Variants in DLG2 observed in about 807,000 individuals in gnomAD.
The protein encoded by DLG2 is disks large homolog 2.
A neutral mutation model predicts 132.5 loss-of-function variants in DLG2; 45 were observed. The ratio of observed to expected loss-of-function variants is 0.34; its 90% CI spans 0.27 to 0.44. The LOEUF is 0.44. DLG2 is among the 20% of genes least tolerant of loss of function. The probability of loss-of-function intolerance (pLI) is 1.00; values close to 1 mark genes in which losing one functional copy is unlikely to be tolerated. For missense variants in DLG2, 1,045 were observed against 1,196.9 expected, an observed-to-expected ratio of 0.87 and a Z score of 1.87; for synonymous variants, 424 against 419.6, an observed-to-expected ratio of 1.01 and a Z score of -0.13.
At chr11:83,909,852 T>G (rs1159734880) in intron 15 of DLG2, among the ~76,000 whole-genome samples, 1 of 152,120 alleles carries the variant, frequency 6.6e-6, no homozygotes, top group East Asian at 1.9e-4. Context: ...CTGAGACATT[T>G]GATACAGGTC....
chr11:85,015,541 T>C (rs1267915501), intron 6 of DLG2, among the ~76,000 whole-genome samples: 1 of 152,104 alleles, frequency 6.6e-6, no homozygotes, highest in African/African-American at 2.4e-5. Context: ...AGTGCATTAA[T>C]TACTTCACCT....
chr11:84,377,870 G>A, intron 7 of DLG2, among the ~76,000 whole-genome samples: 1 of 152,090 alleles, frequency 6.6e-6, no homozygotes, highest in East Asian at 1.9e-4. Context: ...GCTTCACTGG[G>A]GACATCTGCC....
intron 6 of DLG2, among the ~76,000 whole-genome samples, chr11:84,766,371 T>C (rs958762736): frequency 2.9e-4 from 44 of 152,038 alleles, no homozygotes; most frequent in Non-Finnish European, 1.5e-4. Context: ...TATTTGAAAT[T>C]TTCATGAGTA....
intron 6 of DLG2, among the ~76,000 whole-genome samples, chr11:84,751,617 A>C (rs1238578218): frequency 6.6e-6 from 1 of 152,180 alleles, no homozygotes; most frequent in Non-Finnish European, 1.5e-5. Context: ...GGCTGTGGTT[A>C]ACATGCAATT....
At chr11:83,912,170 T>C (rs2076190205) in intron 15 of DLG2, among the ~76,000 whole-genome samples, 1 of 151,498 alleles carries the variant, frequency 6.6e-6, no homozygotes, top group Non-Finnish European at 1.5e-5. Context: ...TTATATAAAA[T>C]TTTTGTCAAA....
At chr11:84,417,192 T>A (rs2098932730) in intron 7 of DLG2, among the ~76,000 whole-genome samples, 1 of 152,170 alleles carries the variant, frequency 6.6e-6, no homozygotes, top group African/African-American at 2.4e-5. Flanking sequence ...AAACACTGAA[T>A]TTAGACTTTC....
chr11:85,478,386 T>C (rs952523694), intron 3 of DLG2, among the ~76,000 whole-genome samples: 16 of 152,088 alleles, frequency 1.1e-4, no homozygotes, highest in African/African-American at 3.9e-4. Context: ...CTTTCTCTGC[T>C]CCAAGCCCTC....
At chr11:84,780,811 A>G (rs2071615019) in intron 6 of DLG2, among the ~76,000 whole-genome samples, 1 of 152,084 alleles carries the variant, frequency 6.6e-6, no homozygotes, top group African/African-American at 2.4e-5. Context: ...GATGGATTTA[A>G]CTTCCTTCTT....
chr11:84,850,632 A>G (rs1033727790), intron 6 of DLG2, among the ~76,000 whole-genome samples: 3 of 152,158 alleles, frequency 2.0e-5, no homozygotes, highest in East Asian at 1.9e-4. Flanking sequence ...TGCAGATGAC[A>G]TAATTTATAC....
intron 6 of DLG2, among the ~76,000 whole-genome samples, chr11:84,549,570 C>T (rs1206984416): frequency 6.6e-6 from 1 of 152,146 alleles, no homozygotes; most frequent in Admixed American, 6.5e-5. Context: ...CACCAACCAG[C>T]AGTGCGACTT....
chr11:84,350,256 G>A (rs2098557895), intron 7 of DLG2, among the ~76,000 whole-genome samples: 2 of 151,378 alleles, frequency 1.3e-5, no homozygotes, highest in Admixed American at 1.3e-4. Flanking sequence ...AACCTGAAGA[G>A]GTTAACAGGA....
intron 24 of DLG2, among the ~76,000 whole-genome samples, chr11:83,470,447 A>G (rs533735954): frequency 5.0e-4 from 76 of 152,296 alleles, no homozygotes; most frequent in African/African-American, 1.8e-3. Flanking sequence ...GTTTTGTACA[A>G]TGAACATCTA....
At chr11:85,628,000 G>C (rs1474096157), upstream of DLG2, 1 of 152,798 alleles carries the variant, frequency 6.5e-6, no homozygotes, top group East Asian at 1.9e-4. Context: ...TCTTCTCGCG[G>C]GGGTAGTGGG....
chr11:83,715,952 C>T (rs1164989245), intron 18 of DLG2, among the ~76,000 whole-genome samples: 1 of 152,190 alleles, frequency 6.6e-6, no homozygotes, highest in Non-Finnish European at 1.5e-5. Flanking sequence ...GCATTCCTCA[C>T]CTAGGAGCCT....
intron 9 of DLG2, among the ~76,000 whole-genome samples, chr11:84,112,338 T>A (rs2093404667): frequency 8.3e-6 from 1 of 121,090 alleles, no homozygotes; most frequent in African/African-American, 3.9e-5. Flanking sequence ...TTTTTTTTTT[T>A]TTTTTTTTTA....
At chr11:85,511,931 G>C (rs2094081644) in intron 3 of DLG2, among the ~76,000 whole-genome samples, 1 of 151,818 alleles carries the variant, frequency 6.6e-6, no homozygotes, top group Non-Finnish European at 1.5e-5. Flanking sequence ...CGGGGTCTTA[G>C]TATGTTGCCC....
At chr11:84,544,108 A>C (rs928990785) in intron 6 of DLG2, among the ~76,000 whole-genome samples, 25 of 152,302 alleles carry the variant, frequency 1.6e-4, no homozygotes, top group Non-Finnish European at 3.1e-4. Context: ...GCCACCCTCC[A>C]TCTGTTAACT....
At chr11:84,147,694 C>A (rs191316723) in intron 9 of DLG2, among the ~76,000 whole-genome samples, 10 of 152,200 alleles carry the variant, frequency 6.6e-5, no homozygotes, top group African/African-American at 2.4e-4. Context: ...TGGGCATACA[C>A]ACATTTCAGA....
At chr11:83,723,835 G>GA (rs1318814412) in intron 18 of DLG2, among the ~76,000 whole-genome samples, 1 of 152,162 alleles carries the variant, frequency 6.6e-6, no homozygotes, top group Non-Finnish European at 1.5e-5. Context: ...CAGCCTGGGT[G>GA]AAAGAGTGAG....
Sources: gnomAD v4.1 joint callset for allele counts (sites outside exome capture counted in the v4.1 genomes callset) on GRCh38, gnomAD v4.1.1 for gene constraint, MANE v1.5 for transcripts, NCBI Gene and HGNC (gene_info 2026-07-23, HGNC 2026-07-21) for gene names.